TGFB1: variants seen among roughly 807,000 people sequenced by gnomAD.
TGFB1 encodes the protein transforming growth factor beta-1 proprotein.
A neutral mutation model predicts 43.8 loss-of-function variants in TGFB1; 19 were observed. The ratio of observed to expected loss-of-function variants is 0.43; its 90% CI spans 0.30 to 0.64. The LOEUF is 0.64. TGFB1 is among the 30% of genes least tolerant of loss of function. The probability of loss-of-function intolerance (pLI) is 0.11; values close to 1 mark genes in which losing one functional copy is unlikely to be tolerated. For missense variants in TGFB1, 445 were observed against 529.8 expected, an observed-to-expected ratio of 0.84 and a Z score of 1.57; for synonymous variants, 221 against 236.3, an observed-to-expected ratio of 0.94 and a Z score of 0.60.
In TGFB1 at chr19:41,342,288, C is replaced by T. The variant is rs192493813; in HGVS notation, c.635-41G>A. On this transcript the variant is annotated intron_variant, in intron 3 of 6. Coordinates refer to ENST00000221930, the MANE Select transcript of TGFB1 (RefSeq NM_000660.7). ...GAGGGAAGCCAGTCTGAGAGTGCAG[C>T]TCACCCAGCCCCTGGAGGAAGAGGA... 3.9e-6 allele frequency: 6 copies of T among 1,556,756 alleles called. No homozygotes were observed. In the Admixed American group the frequency reaches 1.2e-4, roughly 30 times the overall value.
rs139854151 is a variant in TGFB1, at chr19:41,352,949, G to T, written c.96C>A (p.Thr32=). 1 of 1,552,348 alleles carries T rather than the reference G, an allele frequency of 6.4e-7. No individual in the cohort carries two copies. Among genetic ancestry groups the T allele is most frequent in the Non-Finnish European group, 8.7e-7 (1 of 1,150,988 alleles). ...CCAGCTCCATGTCGATAGTCTTGCA[G>T]GTGGATAGTCCCGCGGCCGGCCGGC... ...TPGRPAAGLS[T]CKTIDMELVK... Residue 32 remains threonine, a synonymous_variant, in exon 1 of 7, where the codon ACC becomes ACA. Transcript: ENST00000221930.
intron 5 of TGFB1, among the ~76,000 whole-genome samples, chr19:41,335,661 G>A (rs2037980871): frequency 6.6e-6 from 1 of 152,166 alleles, no homozygotes; most frequent in Non-Finnish European, 1.5e-5. Flanking sequence ...GATACCCACA[G>A]CCCTTGCCCT....
chr19:41,333,602 G>A (rs951793471), intron 5 of TGFB1, among the ~76,000 whole-genome samples: 9 of 152,074 alleles, frequency 5.9e-5, no homozygotes, highest in African/African-American at 1.7e-4. Flanking sequence ...CAAACGATCC[G>A]CACGCCTCGG....
chr19:41,343,674 G>A (rs536647860), intron 3 of TGFB1, among the ~76,000 whole-genome samples: 1 of 152,080 alleles, frequency 6.6e-6, no homozygotes, highest in Admixed American at 6.6e-5. Context: ...GCCTGGTGGG[G>A]CCTTGACAAG....
intron 5 of TGFB1, among the ~76,000 whole-genome samples, chr19:41,336,992 C>G (rs943083897): frequency 1.3e-5 from 2 of 149,774 alleles, no homozygotes; most frequent in African/African-American, 2.5e-5. Context: ...GAGTCTCACT[C>G]TGTCACCCAG....
chr19:41,352,940 A>G lies in TGFB1; in HGVS notation c.105T>C (p.Thr35=). 1 of 1,554,108 alleles carries G rather than the reference A, an allele frequency of 6.4e-7. No homozygotes were observed. The highest frequency in any genetic ancestry group is 8.7e-7 in the Non-Finnish European group (1 of 1,151,434). ...RPAAGLSTCK[T]IDMELVKRKR... is the part of the protein sequence containing the mutation. ...TCCGCTTCACCAGCTCCATGTCGATAGTCTTGCAGGTGGATAGTCCCGCGG... is the reference window on the plus strand; with the variant it reads ...TCCGCTTCACCAGCTCCATGTCGATGGTCTTGCAGGTGGATAGTCCCGCGG... Residue 35 remains threonine (T), a synonymous_variant, in exon 1 of 7, where the codon ACT becomes ACC. Transcript: ENST00000221930.
chr19:41,332,680 G>C lies in TGFB1; in HGVS notation c.861-399C>G, dbSNP rs539568787. On this transcript the variant is annotated intron_variant, in intron 5 of 6. Coordinates refer to ENST00000221930, the MANE Select transcript of TGFB1 (RefSeq NM_000660.7). Reference sequence around the variant, plus strand: ...TGAACTACTACTGTGTGCTGGGCTGGGATCTACTGTGGACTGAGGACAAAT... The same window carrying C: ...TGAACTACTACTGTGTGCTGGGCTGCGATCTACTGTGGACTGAGGACAAAT... Among the ~76,000 whole-genome samples, 13 of 152,226 alleles carry C rather than the reference G, an allele frequency of 8.5e-5. No homozygotes were observed. In the South Asian group the frequency reaches 2.7e-3, roughly 32 times the overall value.
intron 5 of TGFB1, among the ~76,000 whole-genome samples, chr19:41,335,597 C>T (rs1212776161): frequency 6.6e-6 from 1 of 152,170 alleles, no homozygotes; most frequent in East Asian, 1.9e-4. Flanking sequence ...CTAGGTGATC[C>T]TCTGACTCAT....
chr19:41,337,610 A>C (rs184503017), intron 5 of TGFB1, among the ~76,000 whole-genome samples: 14 of 150,950 alleles, frequency 9.3e-5, no homozygotes, highest in African/African-American at 2.4e-4. Context: ...CTACAAAATC[A>C]TCTCTCTCTC....
intron 2 of TGFB1, 86 bp downstream of exon 2, chr19:41,348,209 A>G: frequency 6.6e-7 from 1 of 1,526,292 alleles, no homozygotes; most frequent in Non-Finnish European, 9.0e-7. Context: ...TGGACCTTGT[A>G]ACCAGCCGAC....
chr19:41,333,423 C>T (rs1367313914), intron 5 of TGFB1, among the ~76,000 whole-genome samples: 1 of 151,972 alleles, frequency 6.6e-6, no homozygotes, highest in African/African-American at 2.4e-5. Context: ...CCATGTTGGC[C>T]AGGCTGGTCT....
chr19:41,344,028 G>T (rs995353011), intron 3 of TGFB1, among the ~76,000 whole-genome samples: 1 of 118,612 alleles, frequency 8.4e-6, no homozygotes, highest in African/African-American at 3.6e-5. Context: ...TTTCATGTAG[G>T]CTGGATTGCA....
intron 5 of TGFB1, among the ~76,000 whole-genome samples, chr19:41,338,399 CAGG>C (rs2038014050): frequency 6.7e-6 from 1 of 150,106 alleles, no homozygotes; most frequent in African/African-American, 2.5e-5. Flanking sequence ...GAGGCTGAAG[CAGG>C]AGAATTGCTT....
rs371589941 is a variant in TGFB1, at chr19:41,352,779, G to T, written c.266C>A (p.Ala89Asp). ...ALYNSTRDRV[A>D]GESAEPEPEP... ...GGGCTCCGGTTCTGCACTCTCCCCG[G>T]CCACCCGGTCGCGGGTGCTGTTGTA... The change falls in exon 1 of 7, where the codon GCC becomes GAC. Residue 89 changes from alanine to aspartate, a missense_variant. By Grantham distance (126) the Ala-to-Asp change is moderately radical. This residue lies in a region of TGFB1 where 366 missense variants were observed against 428.8 expected (regional missense o/e 0.85). Coordinates refer to ENST00000221930, the MANE Select transcript of TGFB1 (RefSeq NM_000660.7). The T allele has an allele frequency of 6.2e-7, 1 of 1,610,622 alleles. No individual in the cohort carries two copies. Among genetic ancestry groups the T allele is most frequent in the East Asian group, 2.2e-5 (1 of 44,762 alleles).
intron 6 of TGFB1, among the ~76,000 whole-genome samples, chr19:41,331,845 T>C (rs1055908250): frequency 1.3e-5 from 2 of 151,670 alleles, no homozygotes; most frequent in African/African-American, 4.8e-5. Context: ...TTTCTGCGTT[T>C]TTCCTTCCAT....
chr19:41,342,488 C>T (rs2038069896), intron 3 of TGFB1, among the ~76,000 whole-genome samples: 1 of 149,350 alleles, frequency 6.7e-6, no homozygotes, highest in Non-Finnish European at 1.5e-5. Context: ...TAGCTGGGAC[C>T]ACAGGCGCGT....
chr19:41,332,489 G>A (rs959234946), intron 5 of TGFB1, among the ~76,000 whole-genome samples: 42 of 152,180 alleles, frequency 2.8e-4, no homozygotes, highest in African/African-American at 9.4e-4. Context: ...AGTGCTAAGA[G>A]CAATGTAATA....
chr19:41,353,909 A>C lies in TGFB1; in HGVS notation c.-865T>G. ...GGGAGGGAGATGGCCCAGGGCGCGA[A>C]GGGCGGCGGCGGCGGGGACCGGCTG... On this transcript the variant is annotated 5_prime_UTR_variant, in exon 1 of 7. Transcript: ENST00000221930. This position sits in a 1 kb window ranked among gnomAD's most constrained non-coding sequence, Gnocchi z 5.9. 2.3e-5 allele frequency: 5 copies of C among 213,648 alleles called. No individual in the cohort carries two copies. Among genetic ancestry groups the C allele is most frequent in the Non-Finnish European group, 2.7e-5 (3 of 109,890 alleles). 13.2% of individuals were successfully genotyped at this position (213,648 alleles called of 1,614,324 possible). A position where few individuals can be genotyped will look rare whatever the true frequency, so the allele number is the denominator to read the frequency against.
intron 2 of TGFB1, 134 bp downstream of exon 2, chr19:41,348,161 A>C: frequency 1.0e-6 from 1 of 967,870 alleles, no homozygotes; most frequent in Admixed American, 1.8e-5. Flanking sequence ...CTAGGATTGT[A>C]TGGTTTGTGT....
Sources: gnomAD v4.1 joint callset for allele counts (sites outside exome capture counted in the v4.1 genomes callset) on GRCh38, gnomAD v4.1.1 for gene constraint, gnomAD v4.1.1 regional missense constraint, Gnocchi (gnomAD v3.1) non-coding constraint, MANE v1.5 for transcripts, NCBI Gene and HGNC (gene_info 2026-07-23, HGNC 2026-07-21) for gene names.